Variants in MATCAP2 observed in about 807,000 individuals in gnomAD.
MATCAP2 encodes putative tyrosine carboxypeptidase MATCAP2.
At chr7:36,381,559 T>C in the MATCAP2 span, among the ~76,000 whole-genome samples, 1 of 151,344 alleles carries the variant, frequency 6.6e-6, no homozygotes, top group African/African-American at 2.4e-5. Flanking sequence ...TAATCCCAGC[T>C]ACTTGGGAGG....
chr7:36,333,316 T>C, the MATCAP2 span, among the ~76,000 whole-genome samples: 1 of 151,970 alleles, frequency 6.6e-6, no homozygotes, highest in Non-Finnish European at 1.5e-5. Flanking sequence ...CAGGTAAATC[T>C]AGAGATGAAA....
At chr7:36,353,626 G>A in the MATCAP2 span, among the ~76,000 whole-genome samples, 3 of 151,554 alleles carry the variant, frequency 2.0e-5, no homozygotes, top group African/African-American at 2.4e-5. Flanking sequence ...GACTACAGGC[G>A]CCCACCACCA....
chr7:36,388,328 G>A, the MATCAP2 span, among the ~76,000 whole-genome samples: 7 of 150,182 alleles, frequency 4.7e-5, no homozygotes, highest in African/African-American at 1.7e-4. Flanking sequence ...TGGGTTAACC[G>A]ATTTGGCTAA....
chr7:36,382,256 G>A, the MATCAP2 span, among the ~76,000 whole-genome samples: 2 of 127,502 alleles, frequency 1.6e-5, no homozygotes, highest in African/African-American at 6.0e-5. Context: ...GCAGTGAGCA[G>A]AGTTGTGCAA....
the MATCAP2 span, among the ~76,000 whole-genome samples, chr7:36,382,299 CAAAAAAAAAAAAAAAA>C: frequency 1.6e-5 from 1 of 62,934 alleles, no homozygotes; most frequent in Non-Finnish European, 2.9e-5. Flanking sequence ...GCGTCTGTCT[CAAAAAAAAAAAAAAAA>C]AAAAAAAAAG....
chr7:36,354,247 T>C, the MATCAP2 span, among the ~76,000 whole-genome samples: 3 of 152,122 alleles, frequency 2.0e-5, no homozygotes, highest in Non-Finnish European at 4.4e-5. Context: ...TCTGAGTGCC[T>C]CCCTAGGGAC....
chr7:36,328,740 A>G, the MATCAP2 span, among the ~76,000 whole-genome samples: 1 of 150,984 alleles, frequency 6.6e-6, no homozygotes. Flanking sequence ...GTAAGACTCC[A>G]TCTCACAAAA....
the MATCAP2 span, among the ~76,000 whole-genome samples, chr7:36,351,021 T>C: frequency 1.3e-5 from 2 of 152,342 alleles, no homozygotes; most frequent in East Asian, 3.9e-4. Flanking sequence ...CATGACTATA[T>C]AGTTTACTAA....
chr7:36,371,430 T>C, the MATCAP2 span, among the ~76,000 whole-genome samples: 95 of 152,200 alleles, frequency 6.2e-4, no homozygotes, highest in Non-Finnish European at 2.2e-4. Flanking sequence ...GTAACTTGTT[T>C]AACTACTCAT....
the MATCAP2 span, among the ~76,000 whole-genome samples, chr7:36,340,052 T>C: frequency 6.6e-6 from 1 of 152,116 alleles, no homozygotes; most frequent in Non-Finnish European, 1.5e-5. Context: ...TTAGTAGAGA[T>C]GAGGTTTCAC....
the MATCAP2 span, among the ~76,000 whole-genome samples, chr7:36,362,787 GTTAGA>G: frequency 1.3e-5 from 2 of 152,124 alleles, no homozygotes; most frequent in Non-Finnish European, 2.9e-5. Context: ...CCCTCTCTTT[GTTAGA>G]TTAATATCCA....
the MATCAP2 span, among the ~76,000 whole-genome samples, chr7:36,370,574 T>G: frequency 6.6e-6 from 1 of 152,034 alleles, no homozygotes; most frequent in African/African-American, 2.4e-5. Flanking sequence ...CTCTGCCTCC[T>G]GGGTTCAAGT....
At chr7:36,363,141 T>C in the MATCAP2 span, among the ~76,000 whole-genome samples, 1 of 151,990 alleles carries the variant, frequency 6.6e-6, no homozygotes, top group Admixed American at 6.6e-5. Context: ...AATGAAACAA[T>C]TAGTGATGTT....
the MATCAP2 span, among the ~76,000 whole-genome samples, chr7:36,379,269 TG>T: frequency 6.6e-6 from 1 of 152,150 alleles, no homozygotes; most frequent in Admixed American, 6.5e-5. Context: ...TTTAAGTCAG[TG>T]GGGCTGATGA....
the MATCAP2 span, among the ~76,000 whole-genome samples, chr7:36,338,657 C>T: frequency 1.3e-5 from 2 of 151,956 alleles, no homozygotes; most frequent in Non-Finnish European, 2.9e-5. Flanking sequence ...ACTATGTTGA[C>T]CAGGCTAGTC....
chr7:36,363,216 A>G, the MATCAP2 span, among the ~76,000 whole-genome samples: 2 of 152,220 alleles, frequency 1.3e-5, no homozygotes, highest in Non-Finnish European at 2.9e-5. Context: ...AGGTATATTC[A>G]ACCTGTATGG....
chr7:36,355,487 AAAG>A, the MATCAP2 span: 2 of 152,242 alleles, frequency 1.3e-5, no homozygotes, highest in African/African-American at 2.4e-5. Flanking sequence ...AATACCCATT[AAAG>A]AATACAGAAG....
the MATCAP2 span, among the ~76,000 whole-genome samples, chr7:36,365,688 G>C: frequency 3.0e-4 from 45 of 152,222 alleles, no homozygotes; most frequent in Non-Finnish European, 6.3e-4. Context: ...GACAGAGCGA[G>C]ACTCCGTCTC....
the MATCAP2 span, among the ~76,000 whole-genome samples, chr7:36,350,535 T>C: frequency 7.4e-6 from 1 of 135,938 alleles, no homozygotes; most frequent in Non-Finnish European, 1.6e-5. Flanking sequence ...TGTGTTCCTT[T>C]TTTTTTTTTT....
Sources: allele counts gnomAD v4.1 joint callset (sites outside exome capture counted in the v4.1 genomes callset), GRCh38; gene constraint gnomAD v4.1.1; transcripts MANE v1.5; gene names NCBI Gene and HGNC (gene_info 2026-07-23, HGNC 2026-07-21).